Variants in GMDS observed in about 807,000 individuals in gnomAD.
GMDS encodes the protein GDP-mannose 4,6-dehydratase, also known as GDP-mannose 4,6 dehydratase.
GMDS carries 20 observed loss-of-function variants against 49.9 expected under a neutral mutation model. The observed-to-expected ratio is 0.40, with a 90% CI of 0.28 to 0.58. GMDS has a LOEUF of 0.58. Ranked by LOEUF, GMDS falls within the 20% of genes least tolerant of loss-of-function variation. The pLI, the probability that GMDS is intolerant of heterozygous loss-of-function variation, is 0.42. For missense variants in GMDS, 362 were observed against 481.4 expected, an observed-to-expected ratio of 0.75 and a Z score of 2.32; for synonymous variants, 177 against 178.6, an observed-to-expected ratio of 0.99 and a Z score of 0.07.
At chr6:1,702,033 C>G (rs1278049056) in intron 9 of GMDS, among the ~76,000 whole-genome samples, 1 of 152,204 alleles carries the variant, frequency 6.6e-6, no homozygotes, top group African/African-American at 2.4e-5. Flanking sequence ...TCAAATGACG[C>G]ACGCCTCTCT....
At chr6:1,751,215 A>C (rs1181344057) in intron 7 of GMDS, among the ~76,000 whole-genome samples, 3 of 152,172 alleles carry the variant, frequency 2.0e-5, no homozygotes, top group Non-Finnish European at 4.4e-5. Flanking sequence ...ACAACACTTG[A>C]GCTCTGCTAA....
chr6:2,061,073 AGGC>A (rs1361356611), intron 4 of GMDS, among the ~76,000 whole-genome samples: 1 of 152,082 alleles, frequency 6.6e-6, no homozygotes, highest in African/African-American at 2.4e-5. Context: ...CAAGTTGTGA[AGGC>A]GTCTGGGAGC....
chr6:1,989,857 C>G (rs1765818784), intron 4 of GMDS, among the ~76,000 whole-genome samples: 1 of 152,228 alleles, frequency 6.6e-6, no homozygotes, highest in Admixed American at 6.5e-5. Context: ...GGGGCCAGGC[C>G]CAGCTCTACT....
chr6:1,660,972 C>T (rs532924668), intron 9 of GMDS, among the ~76,000 whole-genome samples: 1 of 151,766 alleles, frequency 6.6e-6, no homozygotes, highest in East Asian at 1.9e-4. Context: ...ATGGCCCAAG[C>T]AGATCACAAG....
In GMDS at chr6:1,784,998, AAC is replaced by A. The variant is rs72180635; in HGVS notation, c.772-42414_772-42413del. Reference sequence around the variant, plus strand: ...TTTTCAAGAATAGTTCTGATGCAGAAACAATCTGTGCTATAACAAATTTTTCT... The same window carrying A: ...TTTTCAAGAATAGTTCTGATGCAGAAAATCTGTGCTATAACAAATTTTTCT... On this transcript the variant is annotated intron_variant, in intron 7 of 10. Transcript: ENST00000380815. 8.2e-3 allele frequency among the ~76,000 whole-genome samples: 1,246 copies of A among 152,370 alleles called. 11 individuals are homozygous for A. Among genetic ancestry groups the A allele is most frequent in the Non-Finnish European group, 0.013 (896 of 68,028 alleles).
At chr6:1,660,635 A>C (rs1283462763) in intron 9 of GMDS, among the ~76,000 whole-genome samples, 1 of 151,176 alleles carries the variant, frequency 6.6e-6, no homozygotes, top group African/African-American at 2.4e-5. Flanking sequence ...AGTGTGATGA[A>C]AGCTGCGAGA....
At chr6:1,932,303 T>C (rs1762323038) in intron 6 of GMDS, among the ~76,000 whole-genome samples, 1 of 152,144 alleles carries the variant, frequency 6.6e-6, no homozygotes, top group Non-Finnish European at 1.5e-5. Context: ...CTCATTTAAT[T>C]TTCCGAGCAA....
chr6:2,127,454 G>A (rs1486838619), intron 1 of GMDS, among the ~76,000 whole-genome samples: 1 of 151,982 alleles, frequency 6.6e-6, no homozygotes, highest in Non-Finnish European at 1.5e-5. Context: ...TCCCTGAGGT[G>A]GCAAGAGCTG....
At chr6:2,227,233 G>A (rs775172695) in intron 1 of GMDS, among the ~76,000 whole-genome samples, 2 of 151,898 alleles carry the variant, frequency 1.3e-5, no homozygotes, top group Non-Finnish European at 2.9e-5. Flanking sequence ...AATGTTTCAA[G>A]TCACTACTAC....
At chr6:2,111,769 T>G in intron 4 of GMDS, among the ~76,000 whole-genome samples, 1 of 152,370 alleles carries the variant, frequency 6.6e-6, no homozygotes, top group East Asian at 1.9e-4. Flanking sequence ...AACATTACAC[T>G]GTCAGAAGTA....
At chr6:2,202,411 TAAGACTGCTGC>T (rs2127577240) in intron 1 of GMDS, among the ~76,000 whole-genome samples, 1 of 148,938 alleles carries the variant, frequency 6.7e-6, no homozygotes, top group Admixed American at 6.8e-5. Context: ...CACAGTCGAG[TAAGACTGCTGC>T]CAATTTCTTT....
At chr6:1,729,157 C>A (rs1038146235) in intron 8 of GMDS, among the ~76,000 whole-genome samples, 2 of 152,184 alleles carry the variant, frequency 1.3e-5, no homozygotes, top group Non-Finnish European at 2.9e-5. Context: ...ACTACTGATT[C>A]TCTTTGATTG....
intron 7 of GMDS, among the ~76,000 whole-genome samples, chr6:1,828,227 C>G (rs1407786995): frequency 6.6e-6 from 1 of 151,824 alleles, no homozygotes; most frequent in Non-Finnish European, 1.5e-5. Flanking sequence ...GGTCAAATTA[C>G]TGAGTTTGAG....
chr6:1,668,361 C>G (rs1366790081), intron 9 of GMDS, among the ~76,000 whole-genome samples: 2 of 152,042 alleles, frequency 1.3e-5, no homozygotes, highest in East Asian at 1.9e-4. Context: ...GATAAAAAGG[C>G]CTTTGAATTA....
intron 1 of GMDS, among the ~76,000 whole-genome samples, chr6:2,169,632 A>C (rs564157003): frequency 4.6e-5 from 7 of 152,030 alleles, no homozygotes; most frequent in South Asian, 4.1e-4. Flanking sequence ...AAAAAAAAAA[A>C]AAAACAAAAA....
rs574482496 is a variant in GMDS, at chr6:1,652,699, T to A, written c.988-28159A>T. The stretch of plus-strand genomic sequence containing the variant: ...TATATATTATTTATATATAATATAT[T>A]ATATATATATATATATATATAGAGA... On this transcript the variant is annotated intron_variant, in intron 9 of 10. Coordinates refer to ENST00000380815, the MANE Select transcript of GMDS (RefSeq NM_001500.4). Among the ~76,000 whole-genome samples, 2 of 566 alleles carry A rather than the reference T, an allele frequency of 3.5e-3. 1 individual carries two copies. The highest frequency in any genetic ancestry group is 6.3e-3 in the African/African-American group (2 of 316). The allele number at this position is 566 out of a possible 152,430, so 0.4% of individuals were successfully genotyped here.
At chr6:1,955,780 GAAAA>G (rs1031347167) in intron 6 of GMDS, among the ~76,000 whole-genome samples, 1 of 150,182 alleles carries the variant, frequency 6.7e-6, no homozygotes, top group Non-Finnish European at 1.5e-5. Flanking sequence ...AAAAAAAAAA[GAAAA>G]AGAAAGAAAA....
In GMDS at chr6:1,623,881, C is replaced by T; in HGVS notation, c.*288G>A. 2.3e-6 allele frequency: 1 copy of T among 433,180 alleles called. No individual in the cohort carries two copies. The highest frequency in any genetic ancestry group is 3.6e-5 in the East Asian group (1 of 27,514). The allele number at this position is 433,180 out of a possible 1,614,324, so 26.8% of individuals were successfully genotyped here. ...GAAGGCCCCACAATTTGTTGTGTAACAACATAATTTCAAGTAAAGTGAATG... is the reference window on the plus strand; with the variant it reads ...GAAGGCCCCACAATTTGTTGTGTAATAACATAATTTCAAGTAAAGTGAATG... On this transcript the variant is annotated 3_prime_UTR_variant, in exon 11 of 11. Transcript: ENST00000380815.
At chr6:1,942,239 A>C (rs892882627) in intron 6 of GMDS, among the ~76,000 whole-genome samples, 1 of 151,342 alleles carries the variant, frequency 6.6e-6, no homozygotes, top group African/African-American at 2.4e-5. Context: ...TTCCTTTCTC[A>C]CTCTTCCATT....
Sources: gnomAD v4.1 joint callset for allele counts (sites outside exome capture counted in the v4.1 genomes callset) on GRCh38, gnomAD v4.1.1 for gene constraint, MANE v1.5 for transcripts, NCBI Gene and HGNC (gene_info 2026-07-23, HGNC 2026-07-21) for gene names.